GPC5: variants seen among roughly 807,000 people sequenced by gnomAD.
GPC5 encodes glypican-5.
In GPC5, 47 loss-of-function variants were observed where a neutral mutation model predicts 53.9. The ratio of observed to expected loss-of-function variants is 0.87; its 90% CI spans 0.69 to 1.11. GPC5 has a LOEUF of 1.11. GPC5 is among the 50% of genes most tolerant of loss of function. The pLI is 0.00. For synonymous variants in GPC5, 286 were observed against 263.3 expected (o/e 1.09, Z -0.84); for missense variants, 748 against 713.1 (o/e 1.05, Z -0.56).
At chr13:92,239,152 A>G (rs1401276018) in intron 7 of GPC5, among the ~76,000 whole-genome samples, 1 of 126,918 alleles carries the variant, frequency 7.9e-6, no homozygotes, top group Non-Finnish European at 1.7e-5. Flanking sequence ...GAGTCTTTCA[A>G]CTTTTTTTTT....
chr13:92,572,569 C>CT (rs982116826), intron 7 of GPC5, among the ~76,000 whole-genome samples: 1 of 152,082 alleles, frequency 6.6e-6, no homozygotes, highest in African/African-American at 2.4e-5. Context: ...AAGGGGGTTT[C>CT]TTTTTTAAAA....
Position 92,145,004 on chromosome 13 carries a change from C to A in GPC5, c.1561+15C>A. The stretch of plus-strand genomic sequence containing the variant: ...GATCACAGACTGTAAGTGTATGATT[C>A]TAACACCACTTTTTTAAAACAATGA... On this transcript the variant is annotated intron_variant, in intron 7 of 7. Transcript: ENST00000377067. 1 of 1,357,164 alleles carries A rather than the reference C, an allele frequency of 7.4e-7. No homozygotes were observed. Among genetic ancestry groups the A allele is most frequent in the Non-Finnish European group, 9.6e-7 (1 of 1,045,938 alleles). 84.1% of individuals were successfully genotyped at this position (1,357,164 alleles called of 1,614,324 possible).
At chr13:92,014,488 G>A (rs547300370) in intron 6 of GPC5, among the ~76,000 whole-genome samples, 130 of 152,246 alleles carry the variant, frequency 8.5e-4, no homozygotes, top group Non-Finnish European at 1.7e-3. Flanking sequence ...ATAAGGGCAA[G>A]CTTTGACAAT....
intron 7 of GPC5, chr13:92,239,842 C>T (rs940054998): frequency 2.0e-5 from 3 of 151,788 alleles, no homozygotes; most frequent in African/African-American, 7.2e-5. Flanking sequence ...ATGCATTTTA[C>T]ATTATCACCA....
intron 7 of GPC5, among the ~76,000 whole-genome samples, chr13:92,548,415 AAATT>A (rs1882200522): frequency 6.6e-6 from 1 of 151,416 alleles, no homozygotes; most frequent in African/African-American, 2.4e-5. Context: ...GTCAACCAAC[AAATT>A]ATGTTTTTAA....
intron 7 of GPC5, among the ~76,000 whole-genome samples, chr13:92,682,945 G>A (rs1887152080): frequency 6.6e-6 from 1 of 152,084 alleles, no homozygotes; most frequent in Non-Finnish European, 1.5e-5. Context: ...CTTGTTCCCA[G>A]GATAGAACAA....
intron 2 of GPC5, among the ~76,000 whole-genome samples, chr13:91,646,602 T>C (rs2034563341): frequency 6.6e-6 from 1 of 152,172 alleles, no homozygotes; most frequent in African/African-American, 2.4e-5. Flanking sequence ...CTTTATTTTC[T>C]TCAGTCAATA....
intron 7 of GPC5, among the ~76,000 whole-genome samples, chr13:92,771,113 T>A (rs1875597008): frequency 6.6e-6 from 1 of 152,092 alleles, no homozygotes; most frequent in African/African-American, 2.4e-5. Flanking sequence ...CCCTGTGATC[T>A]CCTGACAACA....
chr13:92,173,843 C>T (rs1424219748), intron 7 of GPC5, among the ~76,000 whole-genome samples: 1 of 152,178 alleles, frequency 6.6e-6, no homozygotes, highest in Non-Finnish European at 1.5e-5. Flanking sequence ...TGGTAGCACA[C>T]ACCTAATTCC....
intron 2 of GPC5, among the ~76,000 whole-genome samples, chr13:91,682,154 A>G (rs1450411992): frequency 1.3e-5 from 2 of 152,208 alleles, no homozygotes; most frequent in Non-Finnish European, 2.9e-5. Context: ...CAACTTGATC[A>G]TCTGTAAACT....
chr13:92,321,730 C>T (rs778218016), intron 7 of GPC5, among the ~76,000 whole-genome samples: 15 of 152,058 alleles, frequency 9.9e-5, no homozygotes, highest in Non-Finnish European at 1.5e-4. Context: ...TTAAAAGTTA[C>T]GGTATACTGA....
At chr13:92,635,239 A>G (rs1885375362) in intron 7 of GPC5, among the ~76,000 whole-genome samples, 1 of 152,194 alleles carries the variant, frequency 6.6e-6, no homozygotes, top group Non-Finnish European at 1.5e-5. Context: ...TTTCGTAAAC[A>G]GAGTATATAA....
chr13:91,716,337 C>T (rs2036338736), intron 3 of GPC5, among the ~76,000 whole-genome samples: 1 of 152,184 alleles, frequency 6.6e-6, no homozygotes, highest in South Asian at 2.1e-4. Flanking sequence ...CAATACCCCA[C>T]CTCCACCTCA....
rs189278161 is a variant in GPC5, at chr13:91,484,036, G to A, written c.325+35114G>A. Among the ~76,000 whole-genome samples the A allele has an allele frequency of 2.2e-3, 338 of 152,202 alleles. 1 individual carries two copies. Among genetic ancestry groups the A allele is most frequent in the Non-Finnish European group, 3.8e-3 (256 of 68,010 alleles). ...TACAAGCTATTTTTTTCTTTAAAAA[G>A]TGGCAACTTAATTATCTATTATAGT... On this transcript the variant is annotated intron_variant, in intron 2 of 7. Coordinates refer to ENST00000377067, the MANE Select transcript of GPC5 (RefSeq NM_004466.6).
intron 7 of GPC5, among the ~76,000 whole-genome samples, chr13:92,412,547 CAT>C (rs1594179974): frequency 6.6e-6 from 1 of 152,150 alleles, no homozygotes; most frequent in East Asian, 1.9e-4. Flanking sequence ...GATTTTGTGA[CAT>C]GTGATAATTA....
At chr13:91,433,186 CT>C (rs1174139545) in intron 1 of GPC5, among the ~76,000 whole-genome samples, 1 of 151,296 alleles carries the variant, frequency 6.6e-6, no homozygotes, top group East Asian at 1.9e-4. Context: ...CCATTGACTG[CT>C]TCTTCCCAGG....
intron 5 of GPC5, among the ~76,000 whole-genome samples, chr13:91,796,524 C>G (rs1340822243): frequency 6.6e-6 from 1 of 152,184 alleles, no homozygotes; most frequent in Non-Finnish European, 1.5e-5. Context: ...GGCTCCCTCC[C>G]CCTGTGCTCT....
chr13:92,718,765 C>A (rs1888410777), intron 7 of GPC5, among the ~76,000 whole-genome samples: 2 of 151,834 alleles, frequency 1.3e-5, no homozygotes, highest in South Asian at 4.2e-4. Context: ...CCCAGATACT[C>A]CGGAGGCTGA....
chr13:91,635,818 T>G (rs761916305), intron 2 of GPC5, among the ~76,000 whole-genome samples: 4 of 152,134 alleles, frequency 2.6e-5, no homozygotes, highest in Non-Finnish European at 5.9e-5. Context: ...TTTCATATTT[T>G]TCACTCCCTT....
Sources: allele counts gnomAD v4.1 joint callset (sites outside exome capture counted in the v4.1 genomes callset), GRCh38; gene constraint gnomAD v4.1.1; transcripts MANE v1.5; gene names NCBI Gene and HGNC (gene_info 2026-07-23, HGNC 2026-07-21).